Variants in SBF2 observed in about 807,000 individuals in gnomAD.
SBF2 encodes SET binding factor 2.
Under a neutral mutation model 225.2 loss-of-function variants are expected in SBF2, and 112 were observed. The ratio of observed to expected loss-of-function variants is 0.50; its 90% CI spans 0.43 to 0.58. The LOEUF is 0.58. SBF2 is among the 20% of genes least tolerant of loss of function. The pLI is 0.00. For synonymous variants in SBF2, 763 were observed against 773.3 expected, an observed-to-expected ratio of 0.99 and a Z score of 0.22; for missense variants, 1,996 against 2,206.2, an observed-to-expected ratio of 0.90 and a Z score of 1.91.
At chr11:9,862,265 C>G (rs924850821) in intron 17 of SBF2, among the ~76,000 whole-genome samples, 2 of 152,218 alleles carry the variant, frequency 1.3e-5, no homozygotes, top group African/African-American at 4.8e-5. Context: ...CTGTGTCCCT[C>G]AGTGAGGATG....
At chr11:10,190,298 C>G (rs1451521641) in intron 2 of SBF2, among the ~76,000 whole-genome samples, 1 of 152,108 alleles carries the variant, frequency 6.6e-6, no homozygotes, top group Non-Finnish European at 1.5e-5. Context: ...CTCTGAAAAA[C>G]AATTTTCTTT....
intron 2 of SBF2, among the ~76,000 whole-genome samples, chr11:10,108,251 A>T (rs1014441389): frequency 4.6e-5 from 7 of 152,214 alleles, no homozygotes; most frequent in African/African-American, 1.4e-4. Flanking sequence ...ACAGAGGCTA[A>T]GGAAGAATGA....
chr11:10,099,222 A>G (rs1952176918), intron 2 of SBF2, among the ~76,000 whole-genome samples: 1 of 152,172 alleles, frequency 6.6e-6, no homozygotes. Flanking sequence ...GCATTAGAAA[A>G]CTGACTCATC....
intron 16 of SBF2, among the ~76,000 whole-genome samples, chr11:9,935,186 A>C (rs1565027836): frequency 6.6e-6 from 1 of 152,198 alleles, no homozygotes; most frequent in African/African-American, 2.4e-5. Context: ...CCAAATCATG[A>C]GTGAACTCCC....
At position 10,136,223 on chromosome 11, in the gene SBF2, C is replaced by A. The variant is rs903546991; in HGVS notation, c.141+57679G>T. Reference sequence around the variant, plus strand: ...ATGACTCAATTACCTCCACAAGGTCCCCCCCAACAACACATGGGAATTATG... The same window carrying A: ...ATGACTCAATTACCTCCACAAGGTCACCCCCAACAACACATGGGAATTATG... On this transcript the variant is annotated intron_variant, in intron 2 of 39. Transcript: ENST00000256190. Among the ~76,000 whole-genome samples, 5 of 152,182 alleles carry A rather than the reference C, an allele frequency of 3.3e-5. No individual in the cohort carries two copies. In the East Asian group the frequency reaches 7.7e-4, roughly 24 times the overall value.
chr11:10,227,298 T>C (rs1434792533), intron 1 of SBF2, among the ~76,000 whole-genome samples: 2 of 152,242 alleles, frequency 1.3e-5, no homozygotes, highest in African/African-American at 4.8e-5. Context: ...GGTAGTTTCT[T>C]TTGCTGTGCA....
intron 16 of SBF2, among the ~76,000 whole-genome samples, chr11:9,918,116 A>C (rs1863263257): frequency 1.3e-5 from 2 of 148,364 alleles, no homozygotes. Context: ...TTATATGATC[A>C]TTGCCCTCTT....
chr11:9,845,608 G>A lies in SBF2; in HGVS notation c.3067C>T (p.Gln1023Ter). The change falls in exon 24 of 40, where the codon CAA becomes TAA. Residue 1023 changes from glutamine to a stop codon, truncating the protein, a stop_gained. Transcript: ENST00000256190. LOFTEE classifies it high-confidence loss of function. ...TCCTTCTGTTTTGGTAAAATTATTTGTGGGGTAGTTTGTCCAGCAGCAAAA... is the reference window on the plus strand; with the variant it reads ...TCCTTCTGTTTTGGTAAAATTATTTATGGGGTAGTTTGTCCAGCAGCAAAA... ...FAFAAGQTTP[Q>*]IILPKQKEKN... 6.2e-7 allele frequency: 1 copy of A among 1,613,926 alleles called. No homozygotes were observed. Among genetic ancestry groups the A allele is most frequent in the African/African-American group, 1.3e-5 (1 of 75,042 alleles).
intron 32 of SBF2, 174 bp downstream of exon 32, chr11:9,807,824 ATT>A (rs931531428): frequency 1.6e-5 from 11 of 670,676 alleles, no homozygotes; most frequent in African/African-American, 5.4e-5. Flanking sequence ...AAACCAACTA[ATT>A]TTTTTTCTTT....
chr11:10,178,130 G>A lies in SBF2; in HGVS notation c.141+15772C>T, dbSNP rs1488340921. On this transcript the variant is annotated intron_variant, in intron 2 of 39. Transcript: ENST00000256190. ...TTTAATAAATGGTGCTGGGAAAACT[G>A]GCTAGCCATATGTAGAAAGCTGAAA... 3.0e-3 allele frequency among the ~76,000 whole-genome samples: 444 copies of A among 146,894 alleles called. 16 individuals are homozygous for A. The highest frequency in any genetic ancestry group is 4.6e-3 in the Non-Finnish European group (308 of 66,978).
At chr11:10,101,040 T>C (rs1952278026) in intron 2 of SBF2, among the ~76,000 whole-genome samples, 1 of 152,182 alleles carries the variant, frequency 6.6e-6, no homozygotes, top group Non-Finnish European at 1.5e-5. Flanking sequence ...CTTCTGCCTA[T>C]CGTGTCTTTG....
intron 2 of SBF2, among the ~76,000 whole-genome samples, chr11:10,119,259 G>A (rs946815819): frequency 6.6e-6 from 1 of 151,872 alleles, no homozygotes; most frequent in Non-Finnish European, 1.5e-5. Context: ...TTCCTGTTCC[G>A]CTTGTTTTTC....
At chr11:9,989,370 A>C in intron 13 of SBF2, 127 bp downstream of exon 13, 1 of 628,938 alleles carries the variant, frequency 1.6e-6, no homozygotes, top group Non-Finnish European at 2.8e-6. Flanking sequence ...TGAGTGCACC[A>C]AAATCTCACA....
chr11:9,957,349 C>T (rs138715229), intron 16 of SBF2: 6 of 152,316 alleles, frequency 3.9e-5, no homozygotes, highest in African/African-American at 1.4e-4. Flanking sequence ...AAAGGGGCTA[C>T]TTAATTTCTG....
chr11:10,186,056 A>C (rs1405718839), intron 2 of SBF2, among the ~76,000 whole-genome samples: 1 of 152,180 alleles, frequency 6.6e-6, no homozygotes, highest in East Asian at 1.9e-4. Context: ...GCTGTGATTT[A>C]ATCTTCCAGG....
upstream of SBF2, among the ~76,000 whole-genome samples, chr11:10,294,545 G>A (rs543399319): frequency 6.6e-6 from 1 of 152,362 alleles, no homozygotes; most frequent in South Asian, 2.1e-4. Context: ...TTGGAAAGCT[G>A]GCTGCTTCCT....
At position 9,962,020 on chromosome 11, in the gene SBF2, G is replaced by A. The variant is rs1866604481; in HGVS notation, c.1797C>T (p.Asn599=). 3.1e-6 allele frequency: 5 copies of A among 1,614,058 alleles called. No homozygotes were observed. The East Asian group carries it at 1.1e-4, about 36-fold the overall frequency. The change falls in exon 16 of 40, where the codon AAC becomes AAT. Residue 599 remains asparagine (N), a synonymous_variant. Transcript: ENST00000256190. ...TDELGLHVQQ[N]RAILDHQQFD... is the part of the protein sequence containing the mutation. Reference sequence around the variant, plus strand: ...ACTGTTGATGGTCTAATATTGCCCGGTTTTGCTGGACATGCAAACCCAATT... The same window carrying A: ...ACTGTTGATGGTCTAATATTGCCCGATTTTGCTGGACATGCAAACCCAATT...
At chr11:10,274,750 CAA>C (rs200010291) in intron 1 of SBF2, among the ~76,000 whole-genome samples, 41,119 of 104,520 alleles carry the variant, frequency 0.39, 6,176 homozygotes, top group Non-Finnish European at 0.46. Context: ...GACTCCATCT[CAA>C]AAAAAAAAAA....
chr11:9,783,998 A>G (rs1852203430), intron 38 of SBF2, among the ~76,000 whole-genome samples: 1 of 152,186 alleles, frequency 6.6e-6, no homozygotes, highest in African/African-American at 2.4e-5. Context: ...TGCATGTGGT[A>G]TGTATGCAAC....
Sources: gnomAD v4.1 joint callset for allele counts (sites outside exome capture counted in the v4.1 genomes callset) on GRCh38, gnomAD v4.1.1 for gene constraint, MANE v1.5 for transcripts, NCBI Gene and HGNC (gene_info 2026-07-23, HGNC 2026-07-21) for gene names.